The following ST6GALNAC5 variants were observed in gnomAD, a reference collection of about 807,000 sequenced individuals.
The protein encoded by ST6GALNAC5 is alpha-N-acetylgalactosaminide alpha-2,6-sialyltransferase 5.
In ST6GALNAC5, 27 loss-of-function variants were observed where a neutral mutation model predicts 33.6. The ratio of observed to expected loss-of-function variants is 0.80; its 90% confidence interval spans 0.59 to 1.11. The LOEUF is 1.11. ST6GALNAC5 is among the 50% of genes least tolerant of loss of function. The pLI, the probability that ST6GALNAC5 is intolerant of heterozygous loss-of-function variation, is 0.00. For missense variants in ST6GALNAC5, 428 were observed against 454.0 expected (o/e 0.94, Z 0.52); for synonymous variants, 194 against 171.2 (o/e 1.13, Z -1.04).
intron 4 of ST6GALNAC5, among the ~76,000 whole-genome samples, chr1:77,052,745 C>G (rs981186310): frequency 3.3e-5 from 5 of 151,214 alleles, no homozygotes; most frequent in African/African-American, 1.2e-4. Context: ...ATGACGAAAC[C>G]CTGTCTCTAC....
rs1490489798 is a variant in ST6GALNAC5, at chr1:77,044,543, G to A, written c.601G>A (p.Ala201Thr). Residue 201 changes from alanine to threonine, a missense_variant, in exon 3 of 5, where the codon GCC becomes ACC. Transcript: ENST00000477717. The stretch of plus-strand genomic sequence containing the variant: ...GAGCCAGGTGCTGCCCCGGCTGAAG[G>A]CCTTCATGATTACTCGCCACAAGAT... ...LLSQVLPRLK[A>T]FMITRHKMLQ... 2 of 1,605,764 alleles carry A rather than the reference G, an allele frequency of 1.2e-6. No homozygotes were observed. The highest frequency in any genetic ancestry group is 2.2e-5 in the East Asian group (1 of 44,716).
chr1:77,001,768 C>T (rs1260760256), intron 2 of ST6GALNAC5, among the ~76,000 whole-genome samples: 8 of 148,746 alleles, frequency 5.4e-5, no homozygotes, highest in Middle Eastern at 3.4e-3. Context: ...TTGTCTTTGG[C>T]TCTGTTTATA....
chr1:76,975,372 T>C (rs755916259), intron 2 of ST6GALNAC5, among the ~76,000 whole-genome samples: 37 of 152,214 alleles, frequency 2.4e-4, no homozygotes, highest in Non-Finnish European at 4.4e-4. Flanking sequence ...TATATCTATA[T>C]ATTTCTTGAT....
In ST6GALNAC5 at chr1:76,913,599, T is replaced by C. The variant is rs1646937063; in HGVS notation, c.261+44857T>C. Among the ~76,000 whole-genome samples, 5 of 152,188 alleles carry C rather than the reference T, an allele frequency of 3.3e-5. No individual in the cohort carries two copies. In the South Asian group the frequency reaches 1.0e-3, roughly 31 times the overall value. ...GTCTTTTCACATAGTCTCATGTTTC[T>C]TGGAGGCTTTGTTCATTTCTTCTTA... On this transcript the variant is annotated intron_variant, in intron 2 of 4. Coordinates refer to ENST00000477717, the MANE Select transcript of ST6GALNAC5 (RefSeq NM_030965.3).
intron 2 of ST6GALNAC5, among the ~76,000 whole-genome samples, chr1:76,927,288 T>C (rs1217990517): frequency 6.6e-6 from 1 of 152,092 alleles, no homozygotes; most frequent in Non-Finnish European, 1.5e-5. Context: ...ATAAAATATA[T>C]TTTAGGAATG....
chr1:76,913,399 G>A (rs1379673142), intron 2 of ST6GALNAC5, among the ~76,000 whole-genome samples: 2 of 151,200 alleles, frequency 1.3e-5, no homozygotes, highest in Admixed American at 6.6e-5. Context: ...TATGTGTCTT[G>A]GAGTTGCTCT....
rs182345702 is a variant in ST6GALNAC5 at position 76,980,205 on chromosome 1, C to T, written c.262-63999C>T. 8.2e-4 allele frequency among the ~76,000 whole-genome samples: 125 copies of T among 152,204 alleles called. 1 individual carries two copies. The highest frequency in any genetic ancestry group is 2.8e-3 in the African/African-American group (118 of 41,546). On this transcript the variant is annotated intron_variant, in intron 2 of 4. Transcript: ENST00000477717. ...ATAGTATGTAGTAGGTTTTGACCTA[C>T]ATACTGTGGTATTTTTATGATTTCT...
At chr1:76,976,484 A>G (rs868174054) in intron 2 of ST6GALNAC5, among the ~76,000 whole-genome samples, 7 of 152,168 alleles carry the variant, frequency 4.6e-5, no homozygotes, top group Non-Finnish European at 1.0e-4. Context: ...ATGTTAAAAA[A>G]TCACTGTATA....
chr1:76,983,658 G>C (rs1649356217), intron 2 of ST6GALNAC5, among the ~76,000 whole-genome samples: 1 of 152,192 alleles, frequency 6.6e-6, no homozygotes, highest in Admixed American at 6.5e-5. Context: ...GCACCAAGCA[G>C]ACCTAATAGA....
intron 2 of ST6GALNAC5, among the ~76,000 whole-genome samples, chr1:76,894,295 C>A (rs1370390946): frequency 2.6e-5 from 4 of 152,084 alleles, no homozygotes; most frequent in African/African-American, 9.7e-5. Flanking sequence ...GGTAACTGAC[C>A]TTGTGTTGAC....
rs569354157 is a variant in ST6GALNAC5 at position 76,957,454 on chromosome 1, C to T, written c.262-86750C>T. On this transcript the variant is annotated intron_variant, in intron 2 of 4. Transcript: ENST00000477717. ...CCTCATCATAATTTAATTACATCTG[C>T]AAAGGTCCTATTTCCAAATAATGTT... Among the ~76,000 whole-genome samples the T allele has an allele frequency of 3.3e-4, 50 of 152,278 alleles. No homozygotes were observed. In the South Asian group the frequency reaches 0.01, roughly 32 times the overall value.
rs1159676718 is a variant in ST6GALNAC5, at chr1:76,868,312, G to A, written c.16-185G>A. The stretch of plus-strand genomic sequence containing the variant: ...GGCCGAAAGCAGCGACGCGCCCGGA[G>A]CATCCCTTGCGATACGCTAGGGGAC... On this transcript the variant is annotated intron_variant, in intron 1 of 4. Transcript: ENST00000477717. The surrounding 1 kb of genome is among the most constrained non-coding windows in gnomAD (Gnocchi z 4.3). 6.6e-6 allele frequency among the ~76,000 whole-genome samples: 1 copy of A among 152,040 alleles called. No individual in the cohort carries two copies. Among genetic ancestry groups the A allele is most frequent in the Non-Finnish European group, 1.5e-5 (1 of 68,006 alleles).
chr1:77,058,180 A>G (rs1312377718), intron 4 of ST6GALNAC5, among the ~76,000 whole-genome samples: 1 of 152,248 alleles, frequency 6.6e-6, no homozygotes, highest in Non-Finnish European at 1.5e-5. Flanking sequence ...ACTGGAGTCA[A>G]CTGGCTTTGG....
At chr1:76,999,345 G>T (rs1437861281) in intron 2 of ST6GALNAC5, among the ~76,000 whole-genome samples, 1 of 152,100 alleles carries the variant, frequency 6.6e-6, no homozygotes, top group Admixed American at 6.5e-5. Flanking sequence ...CTTTAATTCT[G>T]ATCTAATATG....
At position 76,910,293 on chromosome 1, in the gene ST6GALNAC5, G is replaced by A. The variant is rs927343195; in HGVS notation, c.261+41551G>A. Among the ~76,000 whole-genome samples, 9 of 151,756 alleles carry A rather than the reference G, an allele frequency of 5.9e-5. No individual in the cohort carries two copies. The East Asian group carries it at 1.2e-3, about 20-fold the overall frequency. ...AATTGCATCTTATTATATAATTTGC[G>A]TAAATATATGCAATCATGGAATTAG... On this transcript the variant is annotated intron_variant, in intron 2 of 4. Coordinates refer to ENST00000477717, the MANE Select transcript of ST6GALNAC5 (RefSeq NM_030965.3).
At chr1:76,909,257 TGCTTAAGATAG>T (rs1646890108) in intron 2 of ST6GALNAC5, among the ~76,000 whole-genome samples, 1 of 152,160 alleles carries the variant, frequency 6.6e-6, no homozygotes, top group Admixed American at 6.6e-5. Flanking sequence ...TTTATATAAA[TGCTTAAGATAG>T]GCCAGAATCC....
At chr1:77,032,718 C>G (rs1440781505) in intron 2 of ST6GALNAC5, among the ~76,000 whole-genome samples, 1 of 152,162 alleles carries the variant, frequency 6.6e-6, no homozygotes, top group Non-Finnish European at 1.5e-5. Flanking sequence ...AGTGCTCTCT[C>G]CACTCTAACA....
At chr1:76,932,987 A>G (rs1047811157) in intron 2 of ST6GALNAC5, among the ~76,000 whole-genome samples, 1 of 152,020 alleles carries the variant, frequency 6.6e-6, no homozygotes, top group Non-Finnish European at 1.5e-5. Flanking sequence ...TTTTCCCCCA[A>G]TTTAAGCGAA....
At chr1:76,982,384 T>C (rs1265651038) in intron 2 of ST6GALNAC5, among the ~76,000 whole-genome samples, 2 of 152,108 alleles carry the variant, frequency 1.3e-5, no homozygotes, top group Non-Finnish European at 2.9e-5. Flanking sequence ...CTTCAATAGC[T>C]GAATCAATCA....
Sources: gnomAD v4.1 joint callset for allele counts (sites outside exome capture counted in the v4.1 genomes callset) on GRCh38, gnomAD v4.1.1 for gene constraint, Gnocchi (gnomAD v3.1) non-coding constraint, MANE v1.5 for transcripts, NCBI Gene and HGNC (gene_info 2026-07-23, HGNC 2026-07-21) for gene names.